The following TBC1D5 variants were observed in gnomAD, a reference collection of about 807,000 sequenced individuals.
TBC1D5 encodes the protein TBC1 domain family member 5.
Under a neutral mutation model 100.3 loss-of-function variants are expected in TBC1D5, and 75 were observed. The ratio of observed to expected loss-of-function variants is 0.75; its 90% CI spans 0.62 to 0.91. The LOEUF is 0.91. Ranked by LOEUF, TBC1D5 falls within the 40% of genes least tolerant of loss-of-function variation. TBC1D5 has a pLI of 0.00. For synonymous variants in TBC1D5, 323 were observed against 325.6 expected (o/e 0.99, Z 0.09); for missense variants, 910 against 942.4 (o/e 0.97, Z 0.45).
At chr3:17,634,166 T>A (rs944972252) in intron 1 of TBC1D5, among the ~76,000 whole-genome samples, 1 of 152,072 alleles carries the variant, frequency 6.6e-6, no homozygotes. Flanking sequence ...AGTTTAGAGA[T>A]TCCTCAAAAA....
intron 1 of TBC1D5, among the ~76,000 whole-genome samples, chr3:17,733,536 T>G (rs535400002): frequency 6.6e-6 from 1 of 152,266 alleles, no homozygotes; most frequent in East Asian, 1.9e-4. Context: ...GGAAGAGAGC[T>G]ACGTACATTA....
chr3:17,522,167 A>G (rs887069200), intron 2 of TBC1D5, among the ~76,000 whole-genome samples: 41 of 152,092 alleles, frequency 2.7e-4, no homozygotes, highest in Admixed American at 2.6e-3. Flanking sequence ...AATAAACTTG[A>G]GTATCATTGC....
chr3:17,293,108 A>C (rs1360774673), intron 14 of TBC1D5, among the ~76,000 whole-genome samples: 1 of 152,174 alleles, frequency 6.6e-6, no homozygotes, highest in Non-Finnish European at 1.5e-5. Context: ...CTTCATTTTC[A>C]TTGCTGCTAT....
exon 22 of TBC1D5, chr3:17,159,991 T>A (rs2065898207): frequency 6.6e-6 from 1 of 152,254 alleles, no homozygotes; most frequent in Non-Finnish European, 1.5e-5. Flanking sequence ...TTTTTCCCTT[T>A]ATTCCTCAGT....
At chr3:17,482,315 C>A (rs1402188822) in intron 3 of TBC1D5, among the ~76,000 whole-genome samples, 1 of 152,010 alleles carries the variant, frequency 6.6e-6, no homozygotes, top group Non-Finnish European at 1.5e-5. Flanking sequence ...TAATAAGGTA[C>A]TGGATATAGA....
At chr3:17,591,253 A>C (rs940153551) in intron 2 of TBC1D5, among the ~76,000 whole-genome samples, 15 of 137,142 alleles carry the variant, frequency 1.1e-4, no homozygotes, top group Non-Finnish European at 1.7e-4. Flanking sequence ...AAAAAAAAAA[A>C]AAAAAAAAAA....
chr3:17,717,309 TTAAA>T (rs966076344), intron 1 of TBC1D5, among the ~76,000 whole-genome samples: 7 of 98,632 alleles, frequency 7.1e-5, no homozygotes, highest in African/African-American at 1.7e-4. Flanking sequence ...AGCTAATACT[TTAAA>T]TAATCTTTAT....
intron 16 of TBC1D5, among the ~76,000 whole-genome samples, chr3:17,256,946 C>T (rs2077754647): frequency 6.6e-6 from 1 of 152,000 alleles, no homozygotes; most frequent in Non-Finnish European, 1.5e-5. Context: ...GAGTTAGGTG[C>T]ACAGGCCCTA....
intron 1 of TBC1D5, among the ~76,000 whole-genome samples, chr3:17,692,370 G>GTA (rs2071301631): frequency 6.6e-6 from 1 of 152,126 alleles, no homozygotes; most frequent in African/African-American, 2.4e-5. Flanking sequence ...GGGATTACAG[G>GTA]TATGAGTCAC....
intron 2 of TBC1D5, chr3:17,575,206 T>C (rs1260857951): frequency 6.6e-6 from 1 of 151,624 alleles, no homozygotes; most frequent in Non-Finnish European, 1.5e-5. Flanking sequence ...TGTGTACCTG[T>C]AGTGGGGGCT....
chr3:17,459,311 T>C (rs1307294152), intron 3 of TBC1D5, among the ~76,000 whole-genome samples: 4 of 152,148 alleles, frequency 2.6e-5, no homozygotes, highest in South Asian at 2.1e-4. Flanking sequence ...TCATCAGGCA[T>C]TAGATTCTCA....
intron 13 of TBC1D5, among the ~76,000 whole-genome samples, chr3:17,325,863 C>T (rs970424155): frequency 3.3e-5 from 5 of 151,962 alleles, no homozygotes; most frequent in East Asian, 1.9e-4. Flanking sequence ...AACTATATTT[C>T]GATAAGCTTG....
intron 17 of TBC1D5, 96 bp downstream of exon 17, chr3:17,238,067 T>A: frequency 6.7e-7 from 1 of 1,483,856 alleles, no homozygotes; most frequent in Non-Finnish European, 9.0e-7. Context: ...TTTGCATTAA[T>A]TTCTATTCTA....
At chr3:17,300,041 A>G (rs1457235435) in intron 14 of TBC1D5, among the ~76,000 whole-genome samples, 1 of 152,156 alleles carries the variant, frequency 6.6e-6, no homozygotes, top group East Asian at 1.9e-4. Context: ...AAAAGGAAAC[A>G]TTAAAAAAGA....
At chr3:17,216,286 T>C (rs1459655372) in intron 17 of TBC1D5, among the ~76,000 whole-genome samples, 2 of 152,130 alleles carry the variant, frequency 1.3e-5, no homozygotes, top group Admixed American at 1.3e-4. Context: ...CAGCTCGTGA[T>C]TGGGAATAAA....
chr3:17,380,887 T>A (rs553454739), intron 9 of TBC1D5, among the ~76,000 whole-genome samples: 2 of 152,016 alleles, frequency 1.3e-5, no homozygotes, highest in Non-Finnish European at 2.9e-5. Flanking sequence ...TTCAATAAAA[T>A]CCCATAACTA....
At chr3:17,373,655 T>C (rs2152067643) in intron 12 of TBC1D5, among the ~76,000 whole-genome samples, 1 of 152,296 alleles carries the variant, frequency 6.6e-6, no homozygotes, top group South Asian at 2.1e-4. Flanking sequence ...GGTATATCTA[T>C]ATAATGCAAT....
At chr3:17,219,099 T>A (rs2073993564) in intron 17 of TBC1D5, among the ~76,000 whole-genome samples, 2 of 151,524 alleles carry the variant, frequency 1.3e-5, no homozygotes, top group South Asian at 2.1e-4. Flanking sequence ...TTTTTTTTTT[T>A]ATTCTTTGTC....
chr3:17,537,251 A>G (rs1243312498), intron 2 of TBC1D5, among the ~76,000 whole-genome samples: 1 of 152,232 alleles, frequency 6.6e-6, no homozygotes, highest in African/African-American at 2.4e-5. Context: ...TAAAAACCTA[A>G]TGAGAGATGT....
Sources: allele counts gnomAD v4.1 joint callset (sites outside exome capture counted in the v4.1 genomes callset), GRCh38; gene constraint gnomAD v4.1.1; transcripts MANE v1.5; gene names NCBI Gene and HGNC (gene_info 2026-07-23, HGNC 2026-07-21).